Variants in DNAJC3 observed in about 807,000 individuals in gnomAD.
DNAJC3 encodes DnaJ heat shock protein family (Hsp40) member C3.
A neutral mutation model predicts 68.6 loss-of-function variants in DNAJC3; 38 were observed. The observed-to-expected ratio is 0.55, with a 90% CI of 0.43 to 0.73. The LOEUF is 0.73. DNAJC3 is among the 30% of genes least tolerant of loss of function. The pLI is 0.00. For synonymous variants in DNAJC3, 203 were observed against 204.0 expected, an observed-to-expected ratio of 1.00 and a Z score of 0.04; for missense variants, 526 against 591.9, an observed-to-expected ratio of 0.89 and a Z score of 1.16.
chr13:95,785,760 G>A (rs1372876082), intron 9 of DNAJC3, among the ~76,000 whole-genome samples, 179 bp from the exon 10 acceptor site: 4 of 151,756 alleles, frequency 2.6e-5, no homozygotes, highest in South Asian at 2.1e-4. Context: ...CCCTGTGCCC[G>A]GCCTCTTAAA....
At position 95,793,737 on chromosome 13, in the gene DNAJC3, C is replaced by T. The variant is rs1396116784; in HGVS notation, c.*2707C>T. ...TTGGCCTTCCAAAGTGTTGGGATTA[C>T]AGGCGTGAGCCACTGCGCCTGGCCA... is the stretch of plus-strand genomic sequence containing the variant. On this transcript the variant is annotated 3_prime_UTR_variant, in exon 12 of 12. Coordinates refer to ENST00000602402, the MANE Select transcript of DNAJC3 (RefSeq NM_006260.5). 5 of 152,438 alleles carry T rather than the reference C, an allele frequency of 3.3e-5. No individual in the cohort carries two copies. The South Asian group carries it at 8.3e-4, about 25-fold the overall frequency. 9.4% of individuals were successfully genotyped at this position (152,438 alleles called of 1,614,324 possible).
intron 9 of DNAJC3, among the ~76,000 whole-genome samples, chr13:95,766,352 A>G (rs1427601802): frequency 6.6e-6 from 1 of 152,218 alleles, no homozygotes; most frequent in Non-Finnish European, 1.5e-5. Context: ...TGAGATCTTG[A>G]AAAATCAAGG....
At chr13:95,692,537 C>G (rs1423719815) in intron 1 of DNAJC3, 1 of 151,930 alleles carries the variant, frequency 6.6e-6, no homozygotes, top group Non-Finnish European at 1.5e-5. Flanking sequence ...AATAATAACC[C>G]CAGGGCCCAA....
chr13:95,706,140 C>G (rs1205252218), intron 1 of DNAJC3, among the ~76,000 whole-genome samples: 1 of 152,178 alleles, frequency 6.6e-6, no homozygotes, highest in Admixed American at 6.5e-5. Context: ...TGTGGGATCT[C>G]TAGTACAGAA....
At position 95,757,905 on chromosome 13, in the gene DNAJC3, T is replaced by C. The variant is rs903515138; in HGVS notation, c.546+109T>C. 4.0e-6 allele frequency: 5 copies of C among 1,255,238 alleles called. No homozygotes were observed. In the African/African-American group the frequency reaches 7.3e-5, roughly 18 times the overall value. 77.8% of individuals were successfully genotyped at this position (1,255,238 alleles called of 1,614,324 possible). ...AAGACCTAGACAGGAGAAAATCAGGTTGGTCCTTGGGCTTTTGCCTCTTAA... is the reference window on the plus strand; with the variant it reads ...AAGACCTAGACAGGAGAAAATCAGGCTGGTCCTTGGGCTTTTGCCTCTTAA... On this transcript the variant is annotated intron_variant, in intron 5 of 11. Coordinates refer to ENST00000602402, the MANE Select transcript of DNAJC3 (RefSeq NM_006260.5).
At chr13:95,746,409 G>T (rs919063746) in intron 4 of DNAJC3, among the ~76,000 whole-genome samples, 1 of 152,136 alleles carries the variant, frequency 6.6e-6, no homozygotes, top group Non-Finnish European at 1.5e-5. Flanking sequence ...TATACATTTT[G>T]TGTAAGTGGC....
At chr13:95,722,106 T>C (rs1464655170) in intron 2 of DNAJC3, among the ~76,000 whole-genome samples, 1 of 152,240 alleles carries the variant, frequency 6.6e-6, no homozygotes, top group Non-Finnish European at 1.5e-5. Flanking sequence ...TTTAGAAGGA[T>C]TGTTCTGCAG....
At chr13:95,688,120 A>G (rs1453152923) in intron 1 of DNAJC3, among the ~76,000 whole-genome samples, 1 of 152,170 alleles carries the variant, frequency 6.6e-6, no homozygotes, top group African/African-American at 2.4e-5. Flanking sequence ...CTGCTTGTAC[A>G]TTAATTTTAT....
At chr13:95,773,929 G>T (rs568472725) in intron 9 of DNAJC3, among the ~76,000 whole-genome samples, 1 of 151,668 alleles carries the variant, frequency 6.6e-6, no homozygotes, top group South Asian at 2.1e-4. Flanking sequence ...TAGAGACGGG[G>T]TTTCACCATG....
At chr13:95,787,932 C>CT (rs1390416727) in intron 11 of DNAJC3, among the ~76,000 whole-genome samples, 2 of 152,164 alleles carry the variant, frequency 1.3e-5, no homozygotes, top group Admixed American at 6.5e-5. Context: ...GCTTATACTG[C>CT]TTTTTTGTGG....
At chr13:95,787,284 C>T (rs1399759840) in intron 11 of DNAJC3, 129 bp downstream of exon 11, 1 of 1,136,510 alleles carries the variant, frequency 8.8e-7, no homozygotes, top group Non-Finnish European at 1.2e-6. Flanking sequence ...TCCAGAGGTC[C>T]AGTTTTATGC....
intron 4 of DNAJC3, among the ~76,000 whole-genome samples, chr13:95,729,018 CT>C (rs1035378248): frequency 8.0e-5 from 12 of 149,422 alleles, no homozygotes; most frequent in Non-Finnish European, 1.0e-4. Context: ...GTGAGAGTAA[CT>C]TTTTTTTTTG....
At chr13:95,692,640 T>G (rs1303537424) in intron 1 of DNAJC3, 4 of 152,158 alleles carry the variant, frequency 2.6e-5, no homozygotes, top group Non-Finnish European at 5.9e-5. Context: ...AAATAGTGTA[T>G]TAATCCAAAC....
chr13:95,779,596 T>A (rs891699886), intron 9 of DNAJC3, among the ~76,000 whole-genome samples: 6 of 152,192 alleles, frequency 3.9e-5, no homozygotes, highest in Admixed American at 3.9e-4. Context: ...CCTTGTCCTC[T>A]TTCTTGTTTT....
chr13:95,785,645 A>T lies in DNAJC3; in HGVS notation c.1076-294A>T, dbSNP rs1213601411. Among the ~76,000 whole-genome samples, 12 of 148,062 alleles carry T rather than the reference A, an allele frequency of 8.1e-5. No homozygotes were observed. In the East Asian group the frequency reaches 1.8e-3, roughly 22 times the overall value. ...GGCTAATTTTTGTGTTTTTTTTTTTAGTAGAGACGGGGTTTCATTGTGTTG... is the reference window on the plus strand; with the variant it reads ...GGCTAATTTTTGTGTTTTTTTTTTTTGTAGAGACGGGGTTTCATTGTGTTG... On this transcript the variant is annotated intron_variant, in intron 9 of 11. Coordinates refer to ENST00000602402, the MANE Select transcript of DNAJC3 (RefSeq NM_006260.5).
chr13:95,677,242 G>C lies in DNAJC3; in HGVS notation c.-14G>C. The C allele has an allele frequency of 6.2e-7, 1 of 1,600,492 alleles. No homozygotes were observed. The highest frequency in any genetic ancestry group is 1.4e-5 in the African/African-American group (1 of 73,028). The stretch of plus-strand genomic sequence containing the variant: ...CACACACCTTTCCTCCTCTTCACTC[G>C]CGAGCCCTCGGACATGGTGGCCCCC... On this transcript the variant is annotated 5_prime_UTR_variant, in exon 1 of 12. Coordinates refer to ENST00000602402, the MANE Select transcript of DNAJC3 (RefSeq NM_006260.5).
chr13:95,733,122 CAT>C (rs1470298687), intron 4 of DNAJC3, among the ~76,000 whole-genome samples: 7 of 152,008 alleles, frequency 4.6e-5, no homozygotes, highest in African/African-American at 1.4e-4. Context: ...TTTAGGGTAA[CAT>C]GTTCTGTGAA....
intron 4 of DNAJC3, among the ~76,000 whole-genome samples, chr13:95,739,590 A>G (rs1465844085): frequency 6.6e-6 from 1 of 151,982 alleles, no homozygotes; most frequent in Non-Finnish European, 1.5e-5. Flanking sequence ...TCCATCGCTG[A>G]TACCCTTTCT....
chr13:95,786,853 G>A (rs761345039), intron 10 of DNAJC3, among the ~76,000 whole-genome samples, 154 bp from the exon 11 acceptor site: 2 of 152,192 alleles, frequency 1.3e-5, no homozygotes, highest in African/African-American at 2.4e-5. Context: ...ATCCAGAACT[G>A]TGTATGCAGA....
Sources: allele counts gnomAD v4.1 joint callset (sites outside exome capture counted in the v4.1 genomes callset), GRCh38; gene constraint gnomAD v4.1.1; transcripts MANE v1.5; gene names NCBI Gene and HGNC (gene_info 2026-07-23, HGNC 2026-07-21).